The following CDC42BPA variants were observed in gnomAD, a reference collection of about 807,000 sequenced individuals.
CDC42BPA encodes the protein serine/threonine-protein kinase MRCK alpha.
Under a neutral mutation model 223.5 loss-of-function variants are expected in CDC42BPA, and 80 were observed. That is an observed-to-expected ratio of 0.36 (90% CI 0.30 to 0.43). The LOEUF is 0.43. CDC42BPA is among the 20% of genes least tolerant of loss of function. CDC42BPA has a pLI of 1.00. For missense variants in CDC42BPA, 1,743 were observed against 2,099.9 expected (o/e 0.83, Z 3.32); for synonymous variants, 694 against 718.6 (o/e 0.97, Z 0.55).
At chr1:227,127,157 G>A (rs1655997345) in intron 11 of CDC42BPA, among the ~76,000 whole-genome samples, 6 of 152,008 alleles carry the variant, frequency 3.9e-5, no homozygotes, top group Middle Eastern at 3.4e-3. Context: ...TTAAAAATAC[G>A]ATACCATTTG....
intron 34 of CDC42BPA, chr1:227,011,152 A>G (rs888957661): frequency 1.6e-6 from 1 of 624,804 alleles, no homozygotes; most frequent in African/African-American, 2.0e-5. Context: ...GAACAAATGG[A>G]ATAGTATCTG....
chr1:227,059,318 T>C, intron 21 of CDC42BPA: 2 of 1,444,962 alleles, frequency 1.4e-6, no homozygotes, highest in South Asian at 2.5e-5. Context: ...GGCAAAAGGA[T>C]GAGAGAGGGG....
intron 2 of CDC42BPA, among the ~76,000 whole-genome samples, chr1:227,240,128 T>A (rs1207365912): frequency 1.3e-5 from 2 of 152,138 alleles, no homozygotes; most frequent in Non-Finnish European, 2.9e-5. Flanking sequence ...ATTATCTACA[T>A]ATTAGCAGCA....
intron 5 of CDC42BPA, among the ~76,000 whole-genome samples, chr1:227,191,326 CA>C (rs1371169789): frequency 2.3e-5 from 3 of 130,024 alleles, no homozygotes; most frequent in African/African-American, 8.2e-5. Context: ...GCTTGGGCAA[CA>C]AGAGCAAAAC....
rs767580882 is a variant in CDC42BPA, at chr1:227,051,956, C to T, written c.2934G>A (p.Trp978Ter). 2 of 1,366,258 alleles carry T rather than the reference C, an allele frequency of 1.5e-6. No individual in the cohort carries two copies. Among genetic ancestry groups the T allele is most frequent in the South Asian group, 1.1e-5 (1 of 88,032 alleles). The allele number at this position is 1,366,258 out of a possible 1,614,324, so 84.6% of individuals were successfully genotyped here. A position where few individuals can be genotyped will look rare whatever the true frequency, so the allele number is the denominator to read the frequency against. The change falls in exon 22 of 37, where the codon TGG becomes TGA. Residue 978 changes from tryptophan to a stop codon, truncating the protein, a stop_gained. Coordinates refer to ENST00000366766, the MANE Select transcript of CDC42BPA (RefSeq NM_001394014.1). LOFTEE classifies it high-confidence loss of function. Reference protein sequence around the residue: ...ETDPVENTYVWNPSVKFHIQS... With the variant: ...ETDPVENTYV Reference sequence around the variant, plus strand: ...GGATGTGAAACTTGACGCTCGGGTTCCATACATATGTGTTCTCAACGGGAT... The same window carrying T: ...GGATGTGAAACTTGACGCTCGGGTTTCATACATATGTGTTCTCAACGGGAT...
At chr1:227,158,901 C>T (rs1663324928) in intron 6 of CDC42BPA, among the ~76,000 whole-genome samples, 1 of 152,196 alleles carries the variant, frequency 6.6e-6, no homozygotes, top group Non-Finnish European at 1.5e-5. Flanking sequence ...CATATTCCAG[C>T]TGCTGCAGGT....
chr1:227,025,651 T>C (rs1033099421), intron 31 of CDC42BPA, among the ~76,000 whole-genome samples: 3 of 152,282 alleles, frequency 2.0e-5, no homozygotes, highest in African/African-American at 4.8e-5. Context: ...TGGTTCTAAG[T>C]TTAATTACTT....
At chr1:227,042,538 T>A (rs1169679348) in intron 23 of CDC42BPA, among the ~76,000 whole-genome samples, 1 of 152,150 alleles carries the variant, frequency 6.6e-6, no homozygotes, top group Non-Finnish European at 1.5e-5. Context: ...TAGTATAACA[T>A]AACATAATTA....
At chr1:227,011,046 T>C (rs1665085265) in intron 34 of CDC42BPA, 1 of 1,346,160 alleles carries the variant, frequency 7.4e-7, no homozygotes, top group Non-Finnish European at 9.9e-7. Context: ...GATGAGGGGA[T>C]GGATAAGGGA....
intron 4 of CDC42BPA, among the ~76,000 whole-genome samples, chr1:227,195,557 T>G (rs937795512): frequency 1.3e-5 from 2 of 152,296 alleles, no homozygotes; most frequent in Non-Finnish European, 2.9e-5. Context: ...ACAGAGTCTA[T>G]AAGACTAAAA....
intron 1 of CDC42BPA, among the ~76,000 whole-genome samples, chr1:227,289,796 T>C (rs1243296395): frequency 2.1e-5 from 3 of 143,128 alleles, no homozygotes; most frequent in South Asian, 2.2e-4. Flanking sequence ...CTTCTTGCTT[T>C]AAAAAGAAAT....
At chr1:227,162,866 A>ATGTGTGTGTGTG (rs71574598) in intron 5 of CDC42BPA, among the ~76,000 whole-genome samples, 9,293 of 127,018 alleles carry the variant, frequency 0.073, 366 homozygotes, top group East Asian at 0.15. Flanking sequence ...AAATAAATAT[A>ATGTGTGTGTGTG]TATGTGTGTG....
intron 22 of CDC42BPA, among the ~76,000 whole-genome samples, chr1:227,049,233 T>C (rs957367233): frequency 1.3e-5 from 2 of 150,710 alleles, no homozygotes; most frequent in African/African-American, 2.4e-5. Context: ...TTATTAGAAT[T>C]AAAAAAAATT....
intron 30 of CDC42BPA, among the ~76,000 whole-genome samples, chr1:227,027,764 T>A (rs1668538726): frequency 6.6e-6 from 1 of 152,194 alleles, no homozygotes; most frequent in Non-Finnish European, 1.5e-5. Context: ...TCATATTCAA[T>A]GGCACATATT....
At chr1:227,187,139 T>C (rs1668904120) in intron 5 of CDC42BPA, among the ~76,000 whole-genome samples, 1 of 152,152 alleles carries the variant, frequency 6.6e-6, no homozygotes, top group African/African-American at 2.4e-5. Flanking sequence ...CATATCTGTC[T>C]TTCAACAAAA....
At chr1:227,307,554 T>C (rs976348942) in intron 1 of CDC42BPA, among the ~76,000 whole-genome samples, 17 of 152,188 alleles carry the variant, frequency 1.1e-4, no homozygotes, top group African/African-American at 3.9e-4. Flanking sequence ...TTTGAAACTT[T>C]TTCTATGATA....
At chr1:227,013,966 T>A (rs1156389850) in intron 34 of CDC42BPA, among the ~76,000 whole-genome samples, 1 of 152,146 alleles carries the variant, frequency 6.6e-6, no homozygotes, top group Non-Finnish European at 1.5e-5. Flanking sequence ...TATATTCACA[T>A]TTCAATTGTT....
chr1:227,007,978 C>G (rs1227014143), intron 34 of CDC42BPA, among the ~76,000 whole-genome samples: 1 of 152,194 alleles, frequency 6.6e-6, no homozygotes, highest in African/African-American at 2.4e-5. Context: ...CTCACCACCT[C>G]AGGGTCCTCA....
At chr1:227,211,552 G>T (rs1305789959) in intron 3 of CDC42BPA, among the ~76,000 whole-genome samples, 1 of 152,018 alleles carries the variant, frequency 6.6e-6, no homozygotes, top group East Asian at 1.9e-4. Context: ...ATACATATAT[G>T]TATGTATGTA....
Sources: gnomAD v4.1 joint callset for allele counts (sites outside exome capture counted in the v4.1 genomes callset) on GRCh38, gnomAD v4.1.1 for gene constraint, MANE v1.5 for transcripts, NCBI Gene and HGNC (gene_info 2026-07-23, HGNC 2026-07-21) for gene names.